Variants in FSTL5 observed in about 807,000 individuals in gnomAD.
The protein encoded by FSTL5 is follistatin like 5, also known as follistatin-related protein 5.
Under a neutral mutation model 89.1 loss-of-function variants are expected in FSTL5, and 62 were observed. The observed-to-expected ratio is 0.70, with a 90% confidence interval of 0.57 to 0.86. FSTL5 has a LOEUF of 0.86. FSTL5 is among the 40% of genes least tolerant of loss of function. The pLI, the probability that FSTL5 is intolerant of heterozygous loss-of-function variation, is 0.00. For missense variants in FSTL5, 1,057 were observed against 1,001.6 expected (o/e 1.06, Z -0.75); for synonymous variants, 383 against 346.2 (o/e 1.11, Z -1.18).
intron 6 of FSTL5, among the ~76,000 whole-genome samples, chr4:161,730,473 A>C (rs1348139557): frequency 6.6e-6 from 1 of 151,896 alleles, no homozygotes; most frequent in African/African-American, 2.4e-5. Flanking sequence ...AATTATTTTT[A>C]ATTTTATTTG....
At chr4:161,822,573 G>C (rs76221299) in intron 4 of FSTL5, among the ~76,000 whole-genome samples, 1 of 152,320 alleles carries the variant, frequency 6.6e-6, no homozygotes, top group Non-Finnish European at 1.5e-5. Flanking sequence ...TAAAATCTTA[G>C]AGATACCATG....
intron 6 of FSTL5, among the ~76,000 whole-genome samples, chr4:161,690,788 A>C (rs1322565782): frequency 7.2e-5 from 11 of 151,924 alleles, no homozygotes; most frequent in Admixed American, 7.2e-4. Flanking sequence ...CATTTTTCCG[A>C]CCATCTCCCT....
intron 3 of FSTL5, among the ~76,000 whole-genome samples, chr4:161,975,324 T>G (rs1735603127): frequency 6.6e-6 from 1 of 152,046 alleles, no homozygotes; most frequent in Non-Finnish European, 1.5e-5. Context: ...TGCGGCATTA[T>G]TCACAATAGT....
chr4:161,781,890 C>T (rs1741682538), intron 4 of FSTL5, among the ~76,000 whole-genome samples: 1 of 152,124 alleles, frequency 6.6e-6, no homozygotes, highest in Non-Finnish European at 1.5e-5. Context: ...CCTCTGTACT[C>T]CATCTATTCA....
At chr4:161,478,610 A>C (rs201406634) in intron 13 of FSTL5, among the ~76,000 whole-genome samples, 9 of 150,198 alleles carry the variant, frequency 6.0e-5, no homozygotes, top group Admixed American at 6.0e-4. Context: ...ATTTTTTTTT[A>C]AAGGTGTTAA....
At chr4:161,745,728 T>C (rs552449661) in intron 6 of FSTL5, among the ~76,000 whole-genome samples, 5 of 152,134 alleles carry the variant, frequency 3.3e-5, no homozygotes, top group African/African-American at 1.2e-4. Flanking sequence ...AGTGTTACCA[T>C]TTTATATATC....
rs1560981092 is a variant in FSTL5, at chr4:161,617,258, G to C, written c.895-29683C>G. Among the ~76,000 whole-genome samples the C allele has an allele frequency of 6.6e-5, 10 of 152,170 alleles. No homozygotes were observed. In the South Asian group the frequency reaches 1.9e-3, roughly 28 times the overall value. ...ACTTAAATATCCTTGTAAGTATTTA[G>C]TGTAAATTGGTGATGTCACAAAGAT... is the stretch of plus-strand genomic sequence containing the variant. On this transcript the variant is annotated intron_variant, in intron 7 of 15. Transcript: ENST00000306100.
rs1267070064 is a variant in FSTL5 at position 161,656,413 on chromosome 4, C to A, written c.809G>T (p.Cys270Phe). The A allele has an allele frequency of 6.2e-7, 1 of 1,611,146 alleles. No homozygotes were observed. Among genetic ancestry groups the A allele is most frequent in the Admixed American group, 1.7e-5 (1 of 59,772 alleles). ...AGGTCTCAGGGTTCCTTGAATGGCA[C>A]AGCTCAGAACAGCACTTTGTCCCAC... ...ATVGQSAVLS[C>F]AIQGTLRPPI... The change falls in exon 7 of 16, where the codon TGT (cysteine) becomes TTT (phenylalanine). Residue 270 changes from cysteine (C) to phenylalanine (F), a missense_variant. Cys to Phe is a radical substitution (Grantham distance 205). This residue lies in a region of FSTL5 where 980 missense variants were observed against 903.2 expected (regional missense o/e 1.08). Coordinates refer to ENST00000306100, the MANE Select transcript of FSTL5 (RefSeq NM_020116.5).
intron 8 of FSTL5, among the ~76,000 whole-genome samples, chr4:161,551,734 G>A (rs1560949928): frequency 6.6e-6 from 1 of 151,942 alleles, no homozygotes. Context: ...AAGAAATGGG[G>A]AAACGATTCC....
At chr4:161,781,661 A>T (rs1440998045) in intron 4 of FSTL5, among the ~76,000 whole-genome samples, 1 of 152,108 alleles carries the variant, frequency 6.6e-6, no homozygotes, top group African/African-American at 2.4e-5. Context: ...TCCCCAACAC[A>T]TGCAGCTCTT....
chr4:162,159,473 T>C (rs1733608799), intron 1 of FSTL5, among the ~76,000 whole-genome samples: 1 of 152,078 alleles, frequency 6.6e-6, no homozygotes, highest in African/African-American at 2.4e-5. Flanking sequence ...GCAACCACTT[T>C]GCTTTAGAGA....
chr4:161,416,938 A>G (rs1040299886), intron 15 of FSTL5, among the ~76,000 whole-genome samples: 1 of 152,084 alleles, frequency 6.6e-6, no homozygotes, highest in African/African-American at 2.4e-5. Flanking sequence ...TATATTCTAA[A>G]AGAAGCTCAT....
At chr4:161,595,311 G>A (rs1733973060) in intron 7 of FSTL5, among the ~76,000 whole-genome samples, 1 of 143,482 alleles carries the variant, frequency 7.0e-6, no homozygotes, top group South Asian at 2.4e-4. Flanking sequence ...TCTGAATTCA[G>A]GGACAAAATC....
chr4:161,833,071 G>A (rs1013530384), intron 4 of FSTL5, among the ~76,000 whole-genome samples: 1 of 150,964 alleles, frequency 6.6e-6, no homozygotes, highest in Non-Finnish European at 1.5e-5. Flanking sequence ...AGAGATTCTG[G>A]TATGTTGTGT....
intron 2 of FSTL5, among the ~76,000 whole-genome samples, 181 bp from the exon 3 acceptor site, chr4:162,033,839 C>G (rs1299501398): frequency 6.6e-6 from 1 of 152,112 alleles, no homozygotes; most frequent in African/African-American, 2.4e-5. Context: ...TGCCCTGTTG[C>G]CCAGGCTGGA....
intron 4 of FSTL5, among the ~76,000 whole-genome samples, chr4:161,829,733 T>C (rs1730784423): frequency 6.6e-6 from 1 of 152,088 alleles, no homozygotes; most frequent in Non-Finnish European, 1.5e-5. Context: ...TTCTAAATGG[T>C]AAAGTAAATG....
intron 8 of FSTL5, among the ~76,000 whole-genome samples, chr4:161,545,549 T>C (rs1289215746): frequency 6.6e-6 from 1 of 151,996 alleles, no homozygotes; most frequent in African/African-American, 2.4e-5. Flanking sequence ...TTATTTTTGG[T>C]TTACAAATAC....
At chr4:161,593,996 T>C (rs370386245) in intron 7 of FSTL5, among the ~76,000 whole-genome samples, 7 of 152,062 alleles carry the variant, frequency 4.6e-5, no homozygotes, top group African/African-American at 1.4e-4. Context: ...ATTTGACATG[T>C]TGTAGAGTAT....
At chr4:161,902,729 A>G (rs1381809886) in intron 4 of FSTL5, among the ~76,000 whole-genome samples, 2 of 151,946 alleles carry the variant, frequency 1.3e-5, no homozygotes, top group Admixed American at 6.6e-5. Context: ...GGCGCCTGTA[A>G]TCCCAGCTAC....
Sources: allele counts gnomAD v4.1 joint callset (sites outside exome capture counted in the v4.1 genomes callset), GRCh38; gene constraint gnomAD v4.1.1; regional missense constraint gnomAD v4.1.1; transcripts MANE v1.5; gene names NCBI Gene and HGNC (gene_info 2026-07-23, HGNC 2026-07-21).